Variants in NEDD4 observed in about 807,000 individuals in gnomAD.
The protein encoded by NEDD4 is NEDD4 E3 ubiquitin protein ligase, also known as E3 ubiquitin-protein ligase NEDD4.
NEDD4 carries 99 observed loss-of-function variants against 144.9 expected under a neutral mutation model. That is an observed-to-expected ratio of 0.68 (90% confidence interval 0.58 to 0.81). The LOEUF is 0.81. Among genes scored for constraint, NEDD4 ranks in the 30% least tolerant of loss-of-function variants. The pLI is 0.00. For synonymous variants in NEDD4, 318 were observed against 350.6 expected (o/e 0.91, Z 1.04); for missense variants, 985 against 1,065.9 (o/e 0.92, Z 1.06).
At chr15:55,882,831 A>T (rs1293719987) in intron 5 of NEDD4, among the ~76,000 whole-genome samples, 1 of 152,234 alleles carries the variant, frequency 6.6e-6, no homozygotes, top group Non-Finnish European at 1.5e-5. Context: ...CAGCTCAGCC[A>T]TAGTAGGCTA....
At chr15:55,903,867 T>TATAC (rs2035997981) in intron 5 of NEDD4, among the ~76,000 whole-genome samples, 1 of 106,884 alleles carries the variant, frequency 9.4e-6, no homozygotes, top group Admixed American at 9.8e-5. Context: ...TATATATATA[T>TATAC]ACACACATTG....
At position 55,959,616 on chromosome 15, in the gene NEDD4, G is replaced by A. The variant is rs1270855888; in HGVS notation, c.119+6857C>T. On this transcript the variant is annotated intron_variant, in intron 2 of 28. Coordinates refer to ENST00000435532, the MANE Select transcript of NEDD4 (RefSeq NM_006154.4). ...TTCTAACCAACAGATTATGGCAAAT[G>A]TGACAAAAAGTATGTGATTACATTA... 2.0e-5 allele frequency among the ~76,000 whole-genome samples: 3 copies of A among 152,186 alleles called. No homozygotes were observed. In the East Asian group the frequency reaches 5.8e-4, roughly 29 times the overall value.
intron 27 of NEDD4, among the ~76,000 whole-genome samples, chr15:55,831,702 A>C (rs564201516): frequency 1.3e-5 from 2 of 152,310 alleles, no homozygotes; most frequent in South Asian, 4.1e-4. Context: ...CAAGCTGACC[A>C]GATTTGCCAT....
At chr15:55,839,999 A>T (rs11857908) in intron 21 of NEDD4, among the ~76,000 whole-genome samples, 57 of 25,818 alleles carry the variant, frequency 2.2e-3, no homozygotes, top group Non-Finnish European at 3.1e-3. Flanking sequence ...AAAAAAAAAA[A>T]ATATATATAT....
At chr15:55,910,587 T>A (rs1386534077) in intron 5 of NEDD4, among the ~76,000 whole-genome samples, 1 of 152,094 alleles carries the variant, frequency 6.6e-6, no homozygotes, top group Non-Finnish European at 1.5e-5. Flanking sequence ...CCCTAACGTG[T>A]TCATCCTTAT....
intron 2 of NEDD4, among the ~76,000 whole-genome samples, chr15:55,957,472 C>G (rs1329960193): frequency 6.6e-6 from 1 of 152,102 alleles, no homozygotes; most frequent in African/African-American, 2.4e-5. Flanking sequence ...CCATCTATTC[C>G]TAGTTTGCAG....
chr15:55,827,322 C>T lies in NEDD4; in HGVS notation c.*2575G>A, dbSNP rs2032739729. 1 of 152,140 alleles carries T rather than the reference C, an allele frequency of 6.6e-6. No individual in the cohort carries two copies. The highest frequency in any genetic ancestry group is 2.4e-5 in the African/African-American group (1 of 41,416). The allele number at this position is 152,140 out of a possible 1,614,324, so 9.4% of individuals were successfully genotyped here. ...GTCCCGCAGTAGAATGCATTTGAGA[C>T]ACTTTTCTATCTGGGATAAGGGGCT... On this transcript the variant is annotated 3_prime_UTR_variant, in exon 29 of 29. Transcript: ENST00000435532.
Position 55,873,973 on chromosome 15 carries a change from T to C in NEDD4, c.327A>G (p.Pro109=). The change falls in exon 6 of 29, where the codon CCA becomes CCG. Residue 109 remains proline, a synonymous_variant. Coordinates refer to ENST00000435532, the MANE Select transcript of NEDD4 (RefSeq NM_006154.4). ...CTATACCAACCGGTAATGGATAAAG[T>C]GGAACATCCACTTGACCTAGGAAAT... ...RDDFLGQVDV[P]LYPLPTENPR... 6.5e-7 allele frequency: 1 copy of C among 1,547,208 alleles called. No homozygotes were observed. The highest frequency in any genetic ancestry group is 1.2e-5 in the South Asian group (1 of 81,888).
chr15:55,860,689 T>A lies in NEDD4; in HGVS notation c.764A>T (p.Glu255Val). 6.2e-7 allele frequency: 1 copy of A among 1,614,162 alleles called. No homozygotes were observed. Among genetic ancestry groups the A allele is most frequent in the Non-Finnish European group, 8.5e-7 (1 of 1,179,996 alleles). ...TTRRQISEET[E>V]SVDNRESSEN... Reference sequence around the variant, plus strand: ...GGAAGACTCTCGGTTGTCAACACTTTCTGTTTCCTCGGATATCTGCCGCCT... The same window carrying A: ...GGAAGACTCTCGGTTGTCAACACTTACTGTTTCCTCGGATATCTGCCGCCT... The change falls in exon 10 of 29, where the codon GAA becomes GTA. Residue 255 changes from glutamate (E) to valine (V), a missense_variant. Coordinates refer to ENST00000435532, the MANE Select transcript of NEDD4 (RefSeq NM_006154.4).
chr15:55,955,098 C>T (rs542811855), intron 2 of NEDD4, among the ~76,000 whole-genome samples: 82 of 151,864 alleles, frequency 5.4e-4, no homozygotes, highest in African/African-American at 1.4e-3. Context: ...TCGGCTCACT[C>T]GAAACCTCTG....
At chr15:55,975,397 T>C (rs1179645707) in intron 1 of NEDD4, among the ~76,000 whole-genome samples, 5 of 152,172 alleles carry the variant, frequency 3.3e-5, no homozygotes, top group African/African-American at 9.6e-5. Context: ...AGTTGCAGGA[T>C]ACAAAATCAA....
At chr15:55,887,068 G>A (rs370932901) in intron 5 of NEDD4, among the ~76,000 whole-genome samples, 22 of 151,190 alleles carry the variant, frequency 1.5e-4, no homozygotes, top group East Asian at 3.9e-4. Flanking sequence ...AATAAACAGC[G>A]TAAAAAGTGC....
chr15:55,839,471 CTGTT>C (rs1312451947), intron 21 of NEDD4, among the ~76,000 whole-genome samples: 1 of 152,134 alleles, frequency 6.6e-6, no homozygotes, highest in Admixed American at 6.6e-5. Flanking sequence ...AAGAATCACA[CTGTT>C]TGTGCTGTTA....
chr15:55,897,713 T>C (rs1410321810), intron 5 of NEDD4, among the ~76,000 whole-genome samples: 1 of 152,188 alleles, frequency 6.6e-6, no homozygotes, highest in Non-Finnish European at 1.5e-5. Context: ...TGCCCATGTG[T>C]CCTCCTGGCC....
At chr15:55,879,781 AAGAT>A (rs1323866537) in intron 5 of NEDD4, among the ~76,000 whole-genome samples, 1 of 152,118 alleles carries the variant, frequency 6.6e-6, no homozygotes, top group African/African-American at 2.4e-5. Flanking sequence ...CAAAAACTTC[AAGAT>A]AGAGTTAGAA....
chr15:55,981,077 C>T (rs1356142770), intron 1 of NEDD4, among the ~76,000 whole-genome samples: 1 of 147,882 alleles, frequency 6.8e-6, no homozygotes, highest in African/African-American at 2.5e-5. Context: ...TCACCTCTGT[C>T]GCCCAGGCTG....
chr15:55,883,688 C>CACACAA (rs1236815197), intron 5 of NEDD4, among the ~76,000 whole-genome samples: 1 of 82,502 alleles, frequency 1.2e-5, no homozygotes, highest in East Asian at 4.1e-4. Flanking sequence ...AACACACACA[C>CACACAA]ACACACAAAC....
At chr15:55,838,646 C>T (rs2033324182) in intron 21 of NEDD4, 42 bp from the exon 22 acceptor site, 2 of 1,407,082 alleles carry the variant, frequency 1.4e-6, no homozygotes, top group Non-Finnish European at 2.0e-6. Flanking sequence ...GTATCTATAA[C>T]ACACCTGAAA....
rs1428643622 is a variant in NEDD4, at chr15:55,993,594, G to A, written c.-39C>T. 1.3e-6 allele frequency: 2 copies of A among 1,585,956 alleles called. No homozygotes were observed. The highest frequency in any genetic ancestry group is 1.4e-5 in the African/African-American group (1 of 72,076). On this transcript the variant is annotated 5_prime_UTR_variant, in exon 1 of 29. Coordinates refer to ENST00000435532, the MANE Select transcript of NEDD4 (RefSeq NM_006154.4). ...CAGCAAACCGGACGCGCTCGCCCCC[G>A]CCCAGGGCAGGCAACTGTGGAGGAG...
Sources: gnomAD v4.1 joint callset for allele counts (sites outside exome capture counted in the v4.1 genomes callset) on GRCh38, gnomAD v4.1.1 for gene constraint, MANE v1.5 for transcripts, NCBI Gene and HGNC (gene_info 2026-07-23, HGNC 2026-07-21) for gene names.